GSN: variants seen among roughly 807,000 people sequenced by gnomAD.
GSN encodes actin-depolymerizing factor.
In GSN, 56 loss-of-function variants were observed where a neutral mutation model predicts 85.7. The observed-to-expected ratio is 0.65, with a 90% CI of 0.53 to 0.82. The LOEUF is 0.82. Among genes scored for constraint, GSN ranks in the 40% least tolerant of loss-of-function variants. The pLI is 0.00. For synonymous variants in GSN, 373 were observed against 399.1 expected (o/e 0.93, Z 0.78); for missense variants, 857 against 979.8 (o/e 0.87, Z 1.67).
At chr9:121,248,156 AT>A (rs1385375625) in intron 5 of GSN, 2 of 151,828 alleles carry the variant, frequency 1.3e-5, no homozygotes, top group East Asian at 3.9e-4. Context: ...GAAGAAAACA[AT>A]TGTTATAACT....
intron 3 of GSN, among the ~76,000 whole-genome samples, chr9:121,302,685 G>C (rs150548708): frequency 2.0e-3 from 299 of 152,316 alleles, no homozygotes; most frequent in Middle Eastern, 0.01. Context: ...GGAGGGCTGA[G>C]AATGAACATA....
At chr9:121,275,237 T>G (rs2056526859) in intron 1 of GSN, among the ~76,000 whole-genome samples, 1 of 152,200 alleles carries the variant, frequency 6.6e-6, no homozygotes, top group Non-Finnish European at 1.5e-5. Context: ...AGAACTTGGT[T>G]CTCCTTCTGG....
At chr9:121,260,126 G>GCTCACCTAGAGAC in intron 6 of GSN, among the ~76,000 whole-genome samples, 1 of 152,338 alleles carries the variant, frequency 6.6e-6, no homozygotes, top group Non-Finnish European at 1.5e-5. Context: ...CCCCAAGGGG[G>GCTCACCTAGAGAC]CTCACCTAGA....
At chr9:121,222,993 A>C in intron 4 of GSN, 1 of 152,138 alleles carries the variant, frequency 6.6e-6, no homozygotes, top group East Asian at 1.9e-4. Context: ...GTGGTCTGCC[A>C]GCACTTGAGA....
rs1442981715 is a variant in GSN at position 121,281,547 on chromosome 9, T to G, written c.-25T>G. On this transcript the variant is annotated 5_prime_UTR_variant, in exon 2 of 18. Transcript: ENST00000432226. ...TCCCACGGAGCAGCACTCTTCACCC[T>G]GCACAGCCTTGTTAGGTAGGTAGAG... 2.2e-6 allele frequency: 1 copy of G among 452,290 alleles called. No individual in the cohort carries two copies. The highest frequency in any genetic ancestry group is 4.6e-6 in the Non-Finnish European group (1 of 217,300). 28.0% of individuals were successfully genotyped at this position (452,290 alleles called of 1,614,324 possible).
intron 1 of GSN, among the ~76,000 whole-genome samples, chr9:121,276,446 T>C (rs2056680445): frequency 6.6e-6 from 1 of 152,212 alleles, no homozygotes; most frequent in Non-Finnish European, 1.5e-5. Context: ...AGGTCCCTCC[T>C]CAGCCTCCTC....
chr9:121,317,465 G>A (rs965438834), intron 8 of GSN: 72 of 509,620 alleles, frequency 1.4e-4, no homozygotes, highest in Middle Eastern at 1.1e-3. Flanking sequence ...GCATTATAAC[G>A]TCAGTTCTCT....
At position 121,324,647 on chromosome 9, in the gene GSN, G is replaced by C; in HGVS notation, c.1416+3G>C. 6.8e-7 allele frequency: 1 copy of C among 1,477,962 alleles called. No homozygotes were observed. Among genetic ancestry groups the C allele is most frequent in the Non-Finnish European group, 9.2e-7 (1 of 1,083,388 alleles). The allele number at this position is 1,477,962 out of a possible 1,614,324, so 91.6% of individuals were successfully genotyped here. ...AGCTGGGAGGTACCCCTGTCCAGGT[G>C]AGCCCAGCCCACCGCCTCTCTGGGC... On this transcript the variant is annotated splice_donor_region_variant and intron_variant, in intron 12 of 17. Transcript: ENST00000432226.
rs2061808636 is a variant in GSN, at chr9:121,317,146, C to G, written c.814C>G (p.Gln272Glu). The G allele has an allele frequency of 3.7e-6, 6 of 1,614,166 alleles. No individual in the cohort carries two copies. Among genetic ancestry groups the G allele is most frequent in the Non-Finnish European group, 5.1e-6 (6 of 1,179,984 alleles). Residue 272 changes from glutamine to glutamate, a missense_variant, in exon 8 of 18, where the codon CAG (glutamine) becomes GAG (glutamate). By Grantham distance (29) the Gln-to-Glu change is conservative (BLOSUM62 2). Transcript: ENST00000432226. ...SLVADENPFA[Q>E]GALKSEDCFI... The stretch of plus-strand genomic sequence containing the variant: ...CGTGGCTGATGAGAACCCCTTCGCC[C>G]AGGGGGCCCTGAAGTCAGAGGACTG...
At chr9:121,235,115 G>A (rs1429328520) in intron 5 of GSN, among the ~76,000 whole-genome samples, 1 of 152,198 alleles carries the variant, frequency 6.6e-6, no homozygotes, top group African/African-American at 2.4e-5. Flanking sequence ...GCAAAGTCAT[G>A]CCGTTGGCTG....
intron 7 of GSN, among the ~76,000 whole-genome samples, chr9:121,314,387 TG>T (rs1365067514): frequency 6.6e-6 from 1 of 152,164 alleles, no homozygotes; most frequent in Non-Finnish European, 1.5e-5. Context: ...ACTACAGAAA[TG>T]GTGTGTATGT....
chr9:121,239,379 G>A, intron 5 of GSN: 1 of 444,162 alleles, frequency 2.3e-6, no homozygotes. Flanking sequence ...TGTCCATTGA[G>A]CCATTTTCTT....
At chr9:121,249,264 A>G (rs1369307754) in intron 6 of GSN, among the ~76,000 whole-genome samples, 2 of 151,984 alleles carry the variant, frequency 1.3e-5, no homozygotes, top group African/African-American at 4.8e-5. Flanking sequence ...TTTGAGACCA[A>G]CCTGAGCAAC....
intron 2 of GSN, among the ~76,000 whole-genome samples, chr9:121,296,724 A>T (rs1370603023): frequency 1.3e-5 from 2 of 152,114 alleles, no homozygotes; most frequent in Admixed American, 1.3e-4. Context: ...CCTTGAACTC[A>T]TACATCTTCT....
chr9:121,302,982 G>C lies in GSN; in HGVS notation c.268G>C (p.Gly90Arg). The part of the protein sequence containing the change: ...FTVQLDDYLN[G>R]RAVQHREVQG... ...CGTGCAGCTGGATGACTACCTGAAC[G>C]GCCGGGCCGTGCAGCACCGTGAGGT... Residue 90 changes from glycine to arginine, a missense_variant, in exon 4 of 18, where the codon GGC becomes CGC. Physicochemically the swap from Gly to Arg is moderately radical, Grantham distance 125 (BLOSUM62 -2). Transcript: ENST00000432226. 1 of 1,613,978 alleles carries C rather than the reference G, an allele frequency of 6.2e-7. No individual in the cohort carries two copies. Among genetic ancestry groups the C allele is most frequent in the Non-Finnish European group, 8.5e-7 (1 of 1,179,996 alleles).
intron 5 of GSN, among the ~76,000 whole-genome samples, chr9:121,237,595 A>G (rs975335069): frequency 2.0e-5 from 3 of 152,146 alleles, no homozygotes; most frequent in African/African-American, 2.4e-5. Flanking sequence ...GCAACCAAAG[A>G]AACTATTTGC....
intron 6 of GSN, among the ~76,000 whole-genome samples, chr9:121,260,070 C>T (rs979132107): frequency 1.3e-5 from 2 of 152,216 alleles, no homozygotes; most frequent in South Asian, 2.1e-4. Flanking sequence ...AGAAGCTGAG[C>T]GTGAGTCTGG....
rs190157518 is a variant in GSN at position 121,278,119 on chromosome 9, G to A, written c.-102-3351G>A. ...CTTTGAAATATAGTGAGGTCAAGAC[G>A]TAGGGGAGGCAGCCTGCGTTGGTGG... On this transcript the variant is annotated intron_variant, in intron 1 of 17. Transcript: ENST00000432226. Among the ~76,000 whole-genome samples the A allele has an allele frequency of 3.7e-3, 557 of 151,854 alleles. 8 individuals are homozygous for A. The highest frequency in any genetic ancestry group is 3.2e-3 in the Non-Finnish European group (215 of 67,974).
intron 6 of GSN, among the ~76,000 whole-genome samples, chr9:121,250,202 CTTTTTTTTT>C (rs542805619): frequency 7.8e-6 from 1 of 127,562 alleles, no homozygotes; most frequent in East Asian, 2.2e-4. Context: ...AGATCCTTCT[CTTTTTTTTT>C]TTTTTTTTTT....
Sources: allele counts gnomAD v4.1 joint callset (sites outside exome capture counted in the v4.1 genomes callset), GRCh38; gene constraint gnomAD v4.1.1; transcripts MANE v1.5; gene names NCBI Gene and HGNC (gene_info 2026-07-23, HGNC 2026-07-21).